The following MSTO1 variants were observed in gnomAD, a reference collection of about 807,000 sequenced individuals.
MSTO1 encodes protein misato homolog 1.
MSTO1 carries 24 observed loss-of-function variants against 55.7 expected under a neutral mutation model. That is an observed-to-expected ratio of 0.43 (90% CI 0.31 to 0.61). MSTO1 has a LOEUF of 0.61. MSTO1 is among the 20% of genes least tolerant of loss of function. The pLI is 0.09. For missense variants in MSTO1, 363 were observed against 625.7 expected (o/e 0.58, Z 4.48); for synonymous variants, 162 against 252.8 (o/e 0.64, Z 3.41).
Position 155,610,366 on chromosome 1 carries a change from C to T in MSTO1, c.84+34C>T, listed in dbSNP as rs556391433. On this transcript the variant is annotated intron_variant, in intron 1 of 13. Transcript: ENST00000245564. Reference sequence around the variant, plus strand: ...AGCCGGCAGCTGCCCCCGAGGAGCCCTTCGGGATCTACAGTCCCGACGTTC... The same window carrying T: ...AGCCGGCAGCTGCCCCCGAGGAGCCTTTCGGGATCTACAGTCCCGACGTTC... 564 of 804,056 alleles carry T rather than the reference C, an allele frequency of 7.0e-4. 9 individuals are homozygous for T. The South Asian group carries it at 9.5e-3, about 13-fold the overall frequency. 49.8% of individuals were successfully genotyped at this position (804,056 alleles called of 1,614,324 possible).
chr1:155,600,570 T>C, the MSTO1 span, among the ~76,000 whole-genome samples: 1 of 152,162 alleles, frequency 6.6e-6, no homozygotes, highest in South Asian at 2.1e-4. Flanking sequence ...TTTTTTGAGA[T>C]GGAGTCTTGC....
upstream of MSTO1, among the ~76,000 whole-genome samples, chr1:155,609,217 G>GTATATATATATATATATATATATATATA (rs777579171): frequency 5.9e-5 from 5 of 84,526 alleles, no homozygotes; most frequent in East Asian, 8.4e-4. Flanking sequence ...ATTATCAGCA[G>GTATATATATATATATATATATATATATA]TATATATATA....
In MSTO1 at chr1:155,612,330, A is replaced by T. The variant is rs1288230877; in HGVS notation, c.813+14A>T. The T allele has an allele frequency of 5.7e-6, 9 of 1,576,230 alleles. No individual in the cohort carries two copies. The East Asian group carries it at 2.0e-4, about 35-fold the overall frequency. Reference sequence around the variant, plus strand: ...TACCATCGTGGGGTGAGTGGAACTTAGAGAAGTAAACAGTCACACAGTGGG... The same window carrying T: ...TACCATCGTGGGGTGAGTGGAACTTTGAGAAGTAAACAGTCACACAGTGGG... On this transcript the variant is annotated intron_variant, in intron 8 of 13. Coordinates refer to ENST00000245564, the MANE Select transcript of MSTO1 (RefSeq NM_018116.4).
the MSTO1 span, among the ~76,000 whole-genome samples, chr1:155,582,650 G>A: frequency 3.9e-5 from 6 of 151,990 alleles, no homozygotes; most frequent in South Asian, 2.1e-4. Flanking sequence ...TAGTAGAGAC[G>A]GGGTTTCACC....
chr1:155,567,130 T>G, the MSTO1 span, among the ~76,000 whole-genome samples: 2 of 149,484 alleles, frequency 1.3e-5, no homozygotes, highest in African/African-American at 4.9e-5. Context: ...AAGAGTTGGT[T>G]TTTTTTTTTT....
chr1:155,581,733 T>C, the MSTO1 span, among the ~76,000 whole-genome samples: 6 of 151,604 alleles, frequency 4.0e-5, no homozygotes, highest in East Asian at 1.2e-3. Context: ...TTTTTGAGAA[T>C]TTTGTTTGTT....
chr1:155,609,285 G>T (rs1169704741), upstream of MSTO1, among the ~76,000 whole-genome samples: 1 of 100,908 alleles, frequency 9.9e-6, no homozygotes, highest in African/African-American at 3.9e-5. Context: ...TCGCTCTGTC[G>T]CCCAGGATGG....
At chr1:155,574,870 CTTTT>C in the MSTO1 span, among the ~76,000 whole-genome samples, 2 of 126,234 alleles carry the variant, frequency 1.6e-5, no homozygotes, top group African/African-American at 3.0e-5. Context: ...AGAACTTTTT[CTTTT>C]TTTTTTTTTT....
In MSTO1 at chr1:155,612,263, T is replaced by A; in HGVS notation, c.760T>A (p.Ser254Thr). 1 of 1,591,984 alleles carries A rather than the reference T, an allele frequency of 6.3e-7. No homozygotes were observed. Among genetic ancestry groups the A allele is most frequent in the Non-Finnish European group, 8.6e-7 (1 of 1,168,424 alleles). The change falls in exon 8 of 14, where the codon TCA (serine) becomes ACA (threonine). Residue 254 changes from serine to threonine, a missense_variant. Physicochemically the swap from Ser to Thr is moderately conservative, Grantham distance 58. Transcript: ENST00000245564. ...GGCAGAGCTGCTACAAGATGAATATTCAGGGCGGGGAATAATAACCTGGGG... is the reference window on the plus strand; with the variant it reads ...GGCAGAGCTGCTACAAGATGAATATACAGGGCGGGGAATAATAACCTGGGG... ...KAAELLQDEY[S>T]GRGIITWGLL...
rs2148998630 is a variant in MSTO1 at position 155,613,955 on chromosome 1, T to C, written c.1499-104T>C. ...GGGACAATACACCAAATTTGTTGAG[T>C]TTACAATCAAGTCTACTAAGGTTGG... On this transcript the variant is annotated intron_variant, in intron 13 of 13. Coordinates refer to ENST00000245564, the MANE Select transcript of MSTO1 (RefSeq NM_018116.4). The C allele has an allele frequency of 8.2e-6, 12 of 1,464,086 alleles. No individual in the cohort carries two copies. In the South Asian group the frequency reaches 1.5e-4, roughly 18 times the overall value. 90.7% of individuals were successfully genotyped at this position (1,464,086 alleles called of 1,614,324 possible).
At chr1:155,577,429 C>A in the MSTO1 span, among the ~76,000 whole-genome samples, 2 of 152,122 alleles carry the variant, frequency 1.3e-5, no homozygotes, top group African/African-American at 2.4e-5. Context: ...ACATTTAGGT[C>A]TATGAGCTAT....
At chr1:155,566,925 A>G in the MSTO1 span, among the ~76,000 whole-genome samples, 1 of 151,176 alleles carries the variant, frequency 6.6e-6, no homozygotes, top group Non-Finnish European at 1.5e-5. Context: ...AGGTTAAAAT[A>G]TTAACCTGCT....
At chr1:155,599,003 A>AT in the MSTO1 span, 1 of 731,868 alleles carries the variant, frequency 1.4e-6, no homozygotes, top group Non-Finnish European at 2.2e-6. Flanking sequence ...TCTAACGGGG[A>AT]TCTGATAGCT....
chr1:155,589,885 C>T, the MSTO1 span, among the ~76,000 whole-genome samples: 1 of 152,006 alleles, frequency 6.6e-6, no homozygotes, highest in Non-Finnish European at 1.5e-5. Flanking sequence ...TGGCAACACC[C>T]TCACAGACAC....
chr1:155,586,682 G>A, the MSTO1 span: 1 of 518,892 alleles, frequency 1.9e-6, no homozygotes, highest in African/African-American at 1.9e-5. Flanking sequence ...GAATAACAAG[G>A]CTTATCTCTA....
chr1:155,570,037 G>A, the MSTO1 span, among the ~76,000 whole-genome samples: 2 of 152,076 alleles, frequency 1.3e-5, no homozygotes, highest in Non-Finnish European at 2.9e-5. Flanking sequence ...CAATTGTGTT[G>A]GTATTTGTTT....
At chr1:155,609,221 A>G (rs1183106123), upstream of MSTO1, among the ~76,000 whole-genome samples, 1 of 78,278 alleles carries the variant, frequency 1.3e-5, no homozygotes, top group Admixed American at 2.0e-4. Context: ...TCAGCAGTAT[A>G]TATATATATA....
the MSTO1 span, among the ~76,000 whole-genome samples, chr1:155,580,693 C>T: frequency 8.6e-5 from 13 of 151,964 alleles, no homozygotes; most frequent in East Asian, 5.8e-4. Flanking sequence ...CCGAGGTGGG[C>T]GGATTGCCTG....
At chr1:155,596,114 A>C in the MSTO1 span, among the ~76,000 whole-genome samples, 3 of 152,200 alleles carry the variant, frequency 2.0e-5, no homozygotes, top group East Asian at 5.8e-4. Context: ...GAAAGAAAAA[A>C]ATAATCACCC....
Sources: allele counts gnomAD v4.1 joint callset (sites outside exome capture counted in the v4.1 genomes callset), GRCh38; gene constraint gnomAD v4.1.1; transcripts MANE v1.5; gene names NCBI Gene and HGNC (gene_info 2026-07-23, HGNC 2026-07-21).